PAN3: variants seen among roughly 807,000 people sequenced by gnomAD.
PAN3 encodes PAN2-PAN3 deadenylation complex subunit PAN3.
PAN3 carries 19 observed loss-of-function variants against 96.2 expected under a neutral mutation model. The observed-to-expected ratio is 0.20, with a 90% CI of 0.14 to 0.29. The LOEUF (loss-of-function observed/expected upper bound fraction) is 0.29. PAN3 is among the 10% of genes least tolerant of loss of function. The pLI is 1.00. For missense variants in PAN3, 882 were observed against 1,108.1 expected, an observed-to-expected ratio of 0.80 and a Z score of 2.90; for synonymous variants, 433 against 406.6, an observed-to-expected ratio of 1.06 and a Z score of -0.78.
chr13:28,156,130 G>A (rs922007124), intron 1 of PAN3, among the ~76,000 whole-genome samples: 2 of 152,070 alleles, frequency 1.3e-5, no homozygotes, highest in Admixed American at 1.3e-4. Flanking sequence ...AGAGAAGTTG[G>A]TTATTTAATA....
intron 1 of PAN3, among the ~76,000 whole-genome samples, chr13:28,146,300 G>GTCTCTCTC (rs71086834): frequency 9.5e-4 from 137 of 143,500 alleles, no homozygotes; most frequent in Middle Eastern, 7.0e-3. Context: ...CTCTTTCTCT[G>GTCTCTCTC]TCTCTCTCTC....
chr13:28,287,837 A>G, intron 17 of PAN3, 147 bp from the exon 18 acceptor site: 1 of 620,954 alleles, frequency 1.6e-6, no homozygotes, highest in South Asian at 3.5e-5. Context: ...GTTCAGTTAG[A>G]TTATTTTTTA....
At chr13:28,220,506 C>T in intron 6 of PAN3, 128 bp downstream of exon 6, 1 of 1,180,824 alleles carries the variant, frequency 8.5e-7, no homozygotes, top group Middle Eastern at 2.1e-4. Context: ...GCTTTATGTT[C>T]TAGTTTTTGG....
intron 5 of PAN3, among the ~76,000 whole-genome samples, chr13:28,204,882 A>G (rs1270078255): frequency 2.0e-5 from 3 of 152,246 alleles, no homozygotes; most frequent in African/African-American, 7.2e-5. Flanking sequence ...AAGTGATACA[A>G]TTAAATAAGA....
chr13:28,153,075 G>C (rs995521466), intron 1 of PAN3, among the ~76,000 whole-genome samples: 1 of 152,072 alleles, frequency 6.6e-6, no homozygotes, highest in Non-Finnish European at 1.5e-5. Context: ...ATCTGACGTA[G>C]GGAAAAGTTG....
intron 1 of PAN3, among the ~76,000 whole-genome samples, chr13:28,158,935 A>G (rs1431889728): frequency 2.6e-5 from 4 of 152,058 alleles, no homozygotes; most frequent in African/African-American, 7.2e-5. Flanking sequence ...AATCAAAACC[A>G]CATTGAGATA....
intron 1 of PAN3, among the ~76,000 whole-genome samples, chr13:28,172,203 CCCAACA>C (rs1467035119): frequency 1.3e-5 from 2 of 152,200 alleles, no homozygotes; most frequent in Non-Finnish European, 2.9e-5. Flanking sequence ...CGCCTGTAAT[CCCAACA>C]CTTTGGGAGG....
intron 14 of PAN3, among the ~76,000 whole-genome samples, chr13:28,273,428 C>T (rs181609883): frequency 8.6e-5 from 13 of 151,908 alleles, no homozygotes; most frequent in Non-Finnish European, 1.8e-4. Flanking sequence ...ATGGTGAAAC[C>T]CCACCTCTCC....
intron 17 of PAN3, among the ~76,000 whole-genome samples, chr13:28,287,094 T>G (rs905030855): frequency 6.6e-6 from 1 of 152,146 alleles, no homozygotes; most frequent in Non-Finnish European, 1.5e-5. Flanking sequence ...TTCAGACACA[T>G]GACCTTCCTT....
At chr13:28,214,588 C>A in intron 5 of PAN3, 1 of 401,370 alleles carries the variant, frequency 2.5e-6, no homozygotes, top group Admixed American at 3.1e-5. Flanking sequence ...CCACTACTGG[C>A]CATCTGATCT....
At chr13:28,279,304 T>A (rs1887280338) in intron 15 of PAN3, among the ~76,000 whole-genome samples, 1 of 152,126 alleles carries the variant, frequency 6.6e-6, no homozygotes, top group Admixed American at 6.5e-5. Flanking sequence ...CCTTGTAAAT[T>A]AAGTTTTAGA....
At chr13:28,177,835 G>A (rs751755156) in intron 3 of PAN3, 30 bp from the exon 4 acceptor site, 5 of 1,575,294 alleles carry the variant, frequency 3.2e-6, no homozygotes, top group South Asian at 1.1e-5. Context: ...CAAGTTTTAT[G>A]TGTGGAAACT....
chr13:28,224,601 A>G (rs2138403068), intron 6 of PAN3, among the ~76,000 whole-genome samples: 1 of 152,150 alleles, frequency 6.6e-6, no homozygotes, highest in South Asian at 2.1e-4. Context: ...TTTTTTAATC[A>G]TTAGATATGT....
intron 1 of PAN3, among the ~76,000 whole-genome samples, chr13:28,149,433 C>T (rs1871088258): frequency 6.6e-6 from 1 of 152,080 alleles, no homozygotes; most frequent in African/African-American, 2.4e-5. Flanking sequence ...ATATCTGCCC[C>T]GGTAAAATTT....
intron 1 of PAN3, among the ~76,000 whole-genome samples, chr13:28,167,151 C>G (rs1222945315): frequency 5.3e-5 from 7 of 133,166 alleles, no homozygotes; most frequent in Admixed American, 8.3e-5. Flanking sequence ...ATCTCCTTAT[C>G]AAAAGGTCGC....
intron 6 of PAN3, among the ~76,000 whole-genome samples, chr13:28,241,785 T>C (rs1286941133): frequency 1.3e-5 from 2 of 152,206 alleles, no homozygotes; most frequent in Admixed American, 6.5e-5. Context: ...AGCGCATTTT[T>C]TGTATTTTGA....
chr13:28,266,812 T>A lies in PAN3; in HGVS notation c.1509T>A (p.Ile503=). 36 of 1,611,750 alleles carry A rather than the reference T, an allele frequency of 2.2e-5. No individual in the cohort carries two copies. The highest frequency in any genetic ancestry group is 3.1e-5 in the Non-Finnish European group (36 of 1,178,942). The change falls in exon 10 of 19, where the codon ATT becomes ATA. Residue 503 remains isoleucine, a synonymous_variant. Coordinates refer to ENST00000380958, the MANE Select transcript of PAN3 (RefSeq NM_175854.8). ...AGAAATCAAGTAATTTTGGATATATTACATCTTGCTACAAAGCTGTAAACA... is the reference window on the plus strand; with the variant it reads ...AGAAATCAAGTAATTTTGGATATATAACATCTTGCTACAAAGCTGTAAACA... ...RIQKSSNFGY[I]TSCYKAVNSK...
chr13:28,151,978 C>T (rs1394241854), intron 1 of PAN3, among the ~76,000 whole-genome samples: 2 of 152,300 alleles, frequency 1.3e-5, no homozygotes, highest in African/African-American at 4.8e-5. Flanking sequence ...AATCATGGAA[C>T]TGTATGAGTT....
intron 5 of PAN3, among the ~76,000 whole-genome samples, chr13:28,210,232 CA>C (rs1879871732): frequency 6.6e-6 from 1 of 152,168 alleles, no homozygotes; most frequent in African/African-American, 2.4e-5. Flanking sequence ...TCTATAATGT[CA>C]AGCTGTTATG....
Sources: gnomAD v4.1 joint callset for allele counts (sites outside exome capture counted in the v4.1 genomes callset) on GRCh38, gnomAD v4.1.1 for gene constraint, MANE v1.5 for transcripts, NCBI Gene and HGNC (gene_info 2026-07-23, HGNC 2026-07-21) for gene names.